The following PGAP2 variants were observed in gnomAD, a reference collection of about 807,000 sequenced individuals.
The protein encoded by PGAP2 is post-GPI attachment to proteins 2, also known as acyltransferase PGAP2.
PGAP2 carries 21 observed loss-of-function variants against 33.2 expected under a neutral mutation model. The observed-to-expected ratio is 0.63, with a 90% CI of 0.45 to 0.91. The LOEUF (loss-of-function observed/expected upper bound fraction) is 0.91. Ranked by LOEUF, PGAP2 falls within the 40% of genes least tolerant of loss-of-function variation. PGAP2 has a pLI of 0.00. For synonymous variants in PGAP2, 161 were observed against 172.9 expected (o/e 0.93, Z 0.54); for missense variants, 345 against 424.0 (o/e 0.81, Z 1.64).
chr11:3,807,496 C>T (rs2084626014), upstream of PGAP2, among the ~76,000 whole-genome samples: 2 of 151,042 alleles, frequency 1.3e-5, no homozygotes, highest in African/African-American at 2.4e-5. Flanking sequence ...TTAGTAGAGA[C>T]GGGGTTTCGC....
intron 5 of PGAP2, chr11:3,824,593 A>G (rs944564083): frequency 6.8e-6 from 5 of 731,214 alleles, no homozygotes; most frequent in Non-Finnish European, 1.1e-5. Context: ...GGGAGACTGG[A>G]GAATAGAAGA....
At chr11:3,804,826 C>T (rs1478146481), upstream of PGAP2, among the ~76,000 whole-genome samples, 1 of 151,936 alleles carries the variant, frequency 6.6e-6, no homozygotes, top group African/African-American at 2.4e-5. Flanking sequence ...TTTAGCCTCC[C>T]AAGTAGCTGG....
At position 3,817,336 on chromosome 11, in the gene PGAP2, TC is replaced by T; in HGVS notation, c.166-14del. On this transcript the variant is annotated splice_polypyrimidine_tract_variant and intron_variant, in intron 2 of 6. Transcript: ENST00000278243. ...GTGTCCTACCAGGCCCCAAGTTGTA[TC>T]CCTCGTGCTGCTTAGGCCACGCCCT... 6.3e-7 allele frequency: 1 copy of T among 1,596,830 alleles called. No homozygotes were observed. Among genetic ancestry groups the T allele is most frequent in the Non-Finnish European group, 8.5e-7 (1 of 1,170,820 alleles).
chr11:3,801,515 G>A (rs1278335640), intron 1 of PGAP2, among the ~76,000 whole-genome samples: 1 of 151,682 alleles, frequency 6.6e-6, no homozygotes, highest in African/African-American at 2.4e-5. Flanking sequence ...GGTGGCAGGC[G>A]CCTGTAGTCC....
intron 1 of PGAP2, among the ~76,000 whole-genome samples, chr11:3,800,584 G>A (rs2083290019): frequency 6.6e-6 from 1 of 151,996 alleles, no homozygotes; most frequent in Non-Finnish European, 1.5e-5. Flanking sequence ...GGCCGAGGTG[G>A]GCGGATCACG....
Position 3,825,150 on chromosome 11 carries a change from C to T in PGAP2, c.817+22C>T, listed in dbSNP as rs764223847. Reference sequence around the variant, plus strand: ...GGAGGTGAGGCCAGGATAGGATCCACAGGCGGTCATGAGTGGCTGCGGGGC... The same window carrying T: ...GGAGGTGAGGCCAGGATAGGATCCATAGGCGGTCATGAGTGGCTGCGGGGC... On this transcript the variant is annotated intron_variant, in intron 6 of 6. Transcript: ENST00000278243. The T allele has an allele frequency of 9.9e-6, 16 of 1,611,876 alleles. No individual in the cohort carries two copies. The South Asian group carries it at 1.8e-4, about 18-fold the overall frequency.
chr11:3,801,128 C>G (rs1243093961), intron 1 of PGAP2, among the ~76,000 whole-genome samples: 1 of 116,400 alleles, frequency 8.6e-6, no homozygotes, highest in African/African-American at 2.8e-5. Context: ...GAGTGAAAGT[C>G]TGTCTTCAAA....
rs1362392252 is a variant in PGAP2, at chr11:3,797,989, A to G, written c.139+7A>G. The G allele has an allele frequency of 5.8e-6, 9 of 1,541,490 alleles. No homozygotes were observed. The highest frequency in any genetic ancestry group is 1.7e-4 in the Middle Eastern group (1 of 5,966). On this transcript the variant is annotated splice_region_variant and intron_variant, in intron 1 of 6. Coordinates refer to the PGAP2 transcript ENST00000300730. ...ACGGCCCCAGAATGGCATGGTAACT[A>G]TTCGACCCTTTCCTTGCCCCGGTCC...
chr11:3,798,213 G>C, intron 1 of PGAP2: 1 of 1,150,480 alleles, frequency 8.7e-7, no homozygotes, highest in Non-Finnish European at 1.1e-6. Context: ...TGAATTTCTA[G>C]GATGGACATT....
At chr11:3,814,808 CTTT>C (rs2086559424) in intron 2 of PGAP2, among the ~76,000 whole-genome samples, 1 of 121,706 alleles carries the variant, frequency 8.2e-6, no homozygotes, top group African/African-American at 3.0e-5. Context: ...TTCTTTCTTT[CTTT>C]CTCTTTCTTT....
At chr11:3,815,727 G>C (rs1052885788) in intron 2 of PGAP2, among the ~76,000 whole-genome samples, 4 of 152,194 alleles carry the variant, frequency 2.6e-5, no homozygotes, top group Admixed American at 6.5e-5. Flanking sequence ...CTTATTCCTG[G>C]CTGTTAGACC....
intron 3 of PGAP2, among the ~76,000 whole-genome samples, chr11:3,821,831 G>A (rs1279749348): frequency 1.5e-5 from 2 of 131,366 alleles, no homozygotes; most frequent in South Asian, 2.1e-4. Context: ...GAGAGGCCGA[G>A]GGGGGTGGAT....
chr11:3,823,573 G>C, intron 3 of PGAP2: 2 of 1,534,730 alleles, frequency 1.3e-6, no homozygotes, highest in South Asian at 2.4e-5. Context: ...AGCTATGGGT[G>C]TAGAGCATCT....
intron 2 of PGAP2, among the ~76,000 whole-genome samples, chr11:3,813,996 C>T (rs1381402780): frequency 6.6e-6 from 1 of 152,148 alleles, no homozygotes; most frequent in Non-Finnish European, 1.5e-5. Flanking sequence ...GTCTGTGACC[C>T]TGAGGGTATG....
chr11:3,801,896 GAT>G (rs2083505960), intron 1 of PGAP2, among the ~76,000 whole-genome samples: 1 of 151,930 alleles, frequency 6.6e-6, no homozygotes, highest in African/African-American at 2.4e-5. Flanking sequence ...AGTGAGCCAA[GAT>G]TGCACCACCA....
At chr11:3,814,830 CTTTT>C (rs1223361425) in intron 2 of PGAP2, among the ~76,000 whole-genome samples, 2 of 127,428 alleles carry the variant, frequency 1.6e-5, no homozygotes, top group Non-Finnish European at 3.4e-5. Flanking sequence ...TTCTTTTTTT[CTTTT>C]TTTCCTTCTT....
chr11:3,808,332 G>A (rs764507258), upstream of PGAP2: 31 of 1,551,250 alleles, frequency 2.0e-5, no homozygotes, highest in Non-Finnish European at 2.5e-5. Context: ...CGACAAGGTG[G>A]CTTATCCAAC....
chr11:3,818,494 G>T (rs989229720), intron 3 of PGAP2, among the ~76,000 whole-genome samples: 5 of 152,140 alleles, frequency 3.3e-5, no homozygotes, highest in Non-Finnish European at 7.4e-5. Context: ...GATGGGAGAT[G>T]TAACAAGTGG....
intron 1 of PGAP2, among the ~76,000 whole-genome samples, chr11:3,798,635 ATTT>A (rs35252971): frequency 8.4e-5 from 11 of 131,314 alleles, no homozygotes; most frequent in Admixed American, 7.7e-5. Context: ...CCATGAACTA[ATTT>A]TTTTTTTTTT....
Sources: allele counts gnomAD v4.1 joint callset (sites outside exome capture counted in the v4.1 genomes callset), GRCh38; gene constraint gnomAD v4.1.1; transcripts MANE v1.5; gene names NCBI Gene and HGNC (gene_info 2026-07-23, HGNC 2026-07-21).